Variants in CD302 observed in about 807,000 individuals in gnomAD.
The protein encoded by CD302 is CD302 molecule, also known as CD302 antigen.
A neutral mutation model predicts 26.5 loss-of-function variants in CD302; 23 were observed. That is an observed-to-expected ratio of 0.87 (90% CI 0.62 to 1.23). CD302 has a LOEUF of 1.23. CD302 is among the 50% of genes most tolerant of loss of function. The pLI is 0.00. For synonymous variants in CD302, 90 were observed against 99.4 expected, an observed-to-expected ratio of 0.91 and a Z score of 0.56; for missense variants, 290 against 275.5, an observed-to-expected ratio of 1.05 and a Z score of -0.37.
At position 159,780,175 on chromosome 2, in the gene CD302, G is replaced by T; in HGVS notation, c.299C>A (p.Ala100Glu). ...TGAATTATCAAACCACTTGAAACTCGCATCTGTCAATTAAGGAATATTTTC... is the reference window on the plus strand; with the variant it reads ...TGAATTATCAAACCACTTGAAACTCTCATCTGTCAATTAAGGAATATTTTC... Reference protein sequence around the residue: ...LLGMFYDTDDASFKWFDNSNM... With the variant: ...LLGMFYDTDDESFKWFDNSNM... The change falls in exon 4 of 6, where the codon GCG becomes GAG. Residue 100 changes from alanine to glutamate, a missense_variant. Coordinates refer to ENST00000259053, the MANE Select transcript of CD302 (RefSeq NM_014880.5). The T allele has an allele frequency of 6.2e-7, 1 of 1,612,364 alleles. No individual in the cohort carries two copies. Among genetic ancestry groups the T allele is most frequent in the Non-Finnish European group, 8.5e-7 (1 of 1,179,142 alleles).
At position 159,771,478 on chromosome 2, in the gene CD302, C is replaced by T. The variant is rs1244480581; in HGVS notation, c.*373G>A. On this transcript the variant is annotated 3_prime_UTR_variant, in exon 6 of 6. Coordinates refer to ENST00000259053, the MANE Select transcript of CD302 (RefSeq NM_014880.5). ...GGATGTACTTAAAATCACTTATTCC[C>T]CATTTCATGTTTACTAATAAACATA... The T allele has an allele frequency of 6.2e-6, 1 of 161,300 alleles. No homozygotes were observed. The highest frequency in any genetic ancestry group is 1.4e-5 in the Non-Finnish European group (1 of 73,986). The allele number at this position is 161,300 out of a possible 1,614,324, so 10.0% of individuals were successfully genotyped here.
At chr2:159,797,259 T>C (rs1390032145) in intron 1 of CD302, among the ~76,000 whole-genome samples, 1 of 152,022 alleles carries the variant, frequency 6.6e-6, no homozygotes, top group Admixed American at 6.5e-5. Flanking sequence ...TTTAAATCTC[T>C]TGCACTTTAT....
chr2:159,777,324 A>G (rs72965356), intron 5 of CD302, among the ~76,000 whole-genome samples: 9,833 of 152,288 alleles, frequency 0.065, 399 homozygotes, highest in Non-Finnish European at 0.093. Flanking sequence ...CCACAAGAAG[A>G]TCACTACACA....
In CD302 at chr2:159,783,446, G is replaced by C. The variant is rs1708575766; in HGVS notation, c.91C>G (p.Gln31Glu). ...AAAATGTAACAACTGTCTTGGAACT[G>C]AATCCAAGTAGATGAAGGACAGTCT... ...VADCPSSTWI[Q>E]FQDSCYIFLQ... Residue 31 changes from glutamine (Q) to glutamate (E), a missense_variant, in exon 2 of 6, where the codon CAG becomes GAG. By Grantham distance (29) the Gln-to-Glu change is conservative. Coordinates refer to ENST00000259053, the MANE Select transcript of CD302 (RefSeq NM_014880.5). 1.2e-6 allele frequency: 2 copies of C among 1,609,786 alleles called. No individual in the cohort carries two copies. The highest frequency in any genetic ancestry group is 2.7e-5 in the African/African-American group (2 of 74,682).
At chr2:159,777,416 G>A (rs1296525290) in intron 5 of CD302, among the ~76,000 whole-genome samples, 1 of 152,180 alleles carries the variant, frequency 6.6e-6, no homozygotes, top group African/African-American at 2.4e-5. Context: ...CGCACTGCCA[G>A]TAGTAACATG....
Position 159,783,473 on chromosome 2 carries a change from T to G in CD302, c.68-4A>C, listed in dbSNP as rs772348321. On this transcript the variant is annotated splice_region_variant and splice_polypyrimidine_tract_variant and intron_variant, in intron 1 of 5. Transcript: ENST00000259053. ...ATCCAAGTAGATGAAGGACAGTCTA[T>G]GTAGAAAAAAGAAGAACACTGTTAA... is the stretch of plus-strand genomic sequence containing the variant. The G allele has an allele frequency of 6.3e-7, 1 of 1,582,902 alleles. No individual in the cohort carries two copies. Among genetic ancestry groups the G allele is most frequent in the African/African-American group, 1.4e-5 (1 of 73,152 alleles).
intron 2 of CD302, among the ~76,000 whole-genome samples, chr2:159,781,689 C>G (rs1444772544): frequency 1.3e-5 from 2 of 151,842 alleles, no homozygotes; most frequent in Non-Finnish European, 2.9e-5. Context: ...ATTCTAAGAC[C>G]AGCAAAATTG....
chr2:159,779,701 T>C (rs1424210095), intron 4 of CD302, among the ~76,000 whole-genome samples: 1 of 152,050 alleles, frequency 6.6e-6, no homozygotes, highest in African/African-American at 2.4e-5. Context: ...CCTCCCAGGC[T>C]CAATTGATCC....
intron 4 of CD302, among the ~76,000 whole-genome samples, chr2:159,779,266 G>A (rs561479391): frequency 1.4e-3 from 200 of 144,414 alleles, no homozygotes; most frequent in African/African-American, 4.6e-3. Flanking sequence ...ACCTTCTGAC[G>A]GGTCAGAAGA....
At chr2:159,784,475 C>T (rs1051229214) in intron 1 of CD302, among the ~76,000 whole-genome samples, 1 of 149,426 alleles carries the variant, frequency 6.7e-6, no homozygotes, top group Non-Finnish European at 1.5e-5. Flanking sequence ...CCCACCTCAG[C>T]GTTCCGTGTA....
At position 159,771,500 on chromosome 2, in the gene CD302, CAT is replaced by C. The variant is rs949778497; in HGVS notation, c.*349_*350del. The C allele has an allele frequency of 3.4e-5, 6 of 175,810 alleles. No homozygotes were observed. The highest frequency in any genetic ancestry group is 2.3e-4 in the Admixed American group (4 of 17,282). The allele number at this position is 175,810 out of a possible 1,614,324, so 10.9% of individuals were successfully genotyped here. On this transcript the variant is annotated 3_prime_UTR_variant, in exon 6 of 6. Coordinates refer to ENST00000259053, the MANE Select transcript of CD302 (RefSeq NM_014880.5). The stretch of plus-strand genomic sequence containing the variant: ...TCCCCATTTCATGTTTACTAATAAA[CAT>C]ATAAACTAAAGTGGGTCAACTAAAT...
rs1161231399 is a variant in CD302, at chr2:159,770,860, G to A, written c.*991C>T. 1 of 151,988 alleles carries A rather than the reference G, an allele frequency of 6.6e-6. No homozygotes were observed. The highest frequency in any genetic ancestry group is 2.1e-4 in the South Asian group (1 of 4,824). The allele number at this position is 151,988 out of a possible 1,614,324, so 9.4% of individuals were successfully genotyped here. A position where few individuals can be genotyped will look rare whatever the true frequency, so the allele number is the denominator to read the frequency against. On this transcript the variant is annotated 3_prime_UTR_variant, in exon 6 of 6. Coordinates refer to ENST00000259053, the MANE Select transcript of CD302 (RefSeq NM_014880.5). Reference sequence around the variant, plus strand: ...ACGTATCCCCATTGATAAGTGATACGTGACTAATTTACGTGAAATTTATAC... The same window carrying A: ...ACGTATCCCCATTGATAAGTGATACATGACTAATTTACGTGAAATTTATAC...
rs1007954039 is a variant in CD302, at chr2:159,776,549, A to C, written c.496+1389T>G. Among the ~76,000 whole-genome samples the C allele has an allele frequency of 5.3e-5, 8 of 152,100 alleles. No individual in the cohort carries two copies. In the East Asian group the frequency reaches 1.5e-3, roughly 29 times the overall value. On this transcript the variant is annotated intron_variant, in intron 5 of 5. Coordinates refer to ENST00000259053, the MANE Select transcript of CD302 (RefSeq NM_014880.5). ...GTTCCAATTGCTGCATATCCACACT[A>C]ATGCTTGTTATTTATTGTCTTCTTC...
chr2:159,783,165 C>T (rs890765735), intron 2 of CD302, among the ~76,000 whole-genome samples, 194 bp downstream of exon 2: 23 of 152,220 alleles, frequency 1.5e-4, no homozygotes, highest in African/African-American at 5.1e-4. Context: ...TGTCCAACAA[C>T]TGTCTTCCAA....
chr2:159,788,957 C>G (rs1280867746), intron 1 of CD302, among the ~76,000 whole-genome samples: 1 of 152,032 alleles, frequency 6.6e-6, no homozygotes, highest in Non-Finnish European at 1.5e-5. Flanking sequence ...ATAATATAAT[C>G]TCATTCTTCC....
At chr2:159,794,376 G>A (rs908864238) in intron 1 of CD302, among the ~76,000 whole-genome samples, 5 of 148,922 alleles carry the variant, frequency 3.4e-5, no homozygotes, top group Non-Finnish European at 7.4e-5. Flanking sequence ...ATTATGGAAA[G>A]TAACCTTGCT....
chr2:159,787,152 T>C (rs1708688578), intron 1 of CD302, among the ~76,000 whole-genome samples: 1 of 152,242 alleles, frequency 6.6e-6, no homozygotes, highest in South Asian at 2.1e-4. Context: ...AGTACCTTTG[T>C]AGAAGTAGAT....
intron 1 of CD302, among the ~76,000 whole-genome samples, chr2:159,795,709 C>G (rs572596056): frequency 9.2e-5 from 14 of 152,198 alleles, no homozygotes; most frequent in African/African-American, 2.6e-4. Context: ...GTTGGAGTAC[C>G]CAGATACTGT....
At chr2:159,782,550 T>C (rs1337116015) in intron 2 of CD302, among the ~76,000 whole-genome samples, 1 of 149,854 alleles carries the variant, frequency 6.7e-6, no homozygotes, top group Non-Finnish European at 1.5e-5. Flanking sequence ...CTGGGCAACA[T>C]AGTGAAACCC....
Sources: allele counts gnomAD v4.1 joint callset (sites outside exome capture counted in the v4.1 genomes callset), GRCh38; gene constraint gnomAD v4.1.1; transcripts MANE v1.5; gene names NCBI Gene and HGNC (gene_info 2026-07-23, HGNC 2026-07-21).